The following RGS6 variants were observed in gnomAD, a reference collection of about 807,000 sequenced individuals.
RGS6 encodes regulator of G-protein signaling 6.
RGS6 carries 30 observed loss-of-function variants against 78.5 expected under a neutral mutation model. The observed-to-expected ratio is 0.38, with a 90% CI of 0.29 to 0.52. The LOEUF is 0.52. RGS6 is among the 20% of genes least tolerant of loss of function. RGS6 has a pLI of 0.85. For missense variants in RGS6, 495 were observed against 609.7 expected (o/e 0.81, Z 1.98); for synonymous variants, 206 against 206.0 (o/e 1.00, Z 0.00).
At chr14:72,410,726 A>G (rs1467949446) in intron 3 of RGS6, among the ~76,000 whole-genome samples, 2 of 152,202 alleles carry the variant, frequency 1.3e-5, no homozygotes, top group Non-Finnish European at 2.9e-5. Flanking sequence ...TCTTTAATCC[A>G]TCTTGAATTA....
intron 3 of RGS6, among the ~76,000 whole-genome samples, chr14:72,425,918 A>G (rs1482566004): frequency 1.3e-5 from 2 of 152,224 alleles, no homozygotes; most frequent in Admixed American, 6.5e-5. Flanking sequence ...TCGTACTAGA[A>G]TATTAAAAAT....
At chr14:72,218,563 A>C (rs1372073482) in intron 2 of RGS6, among the ~76,000 whole-genome samples, 1 of 152,110 alleles carries the variant, frequency 6.6e-6, no homozygotes, top group Non-Finnish European at 1.5e-5. Context: ...TTTTCAACCC[A>C]TCAATACATA....
At chr14:72,603,172 A>C in the RGS6 span, among the ~76,000 whole-genome samples, 4 of 152,192 alleles carry the variant, frequency 2.6e-5, no homozygotes, top group Non-Finnish European at 5.9e-5. Flanking sequence ...TCATTTTCAT[A>C]ATTTATTATT....
At chr14:72,395,008 C>T (rs117475284) in intron 3 of RGS6, among the ~76,000 whole-genome samples, 2,976 of 152,214 alleles carry the variant, frequency 0.02, 47 homozygotes, top group Admixed American at 0.061. Flanking sequence ...CGTTTGGGGT[C>T]CCTGACTTCC....
intron 6 of RGS6, among the ~76,000 whole-genome samples, chr14:72,461,414 A>G (rs1185346359): frequency 6.6e-6 from 1 of 152,222 alleles, no homozygotes; most frequent in Non-Finnish European, 1.5e-5. Context: ...ATTGTGCATC[A>G]TGAACAGGGA....
intron 2 of RGS6, among the ~76,000 whole-genome samples, chr14:72,324,053 ACT>A (rs1033851084): frequency 2.6e-5 from 4 of 151,740 alleles, no homozygotes; most frequent in Admixed American, 2.6e-4. Flanking sequence ...TTCCAACTGT[ACT>A]CTCTCGTTAT....
At chr14:71,923,373 G>T in the RGS6 span, among the ~76,000 whole-genome samples, 1 of 152,184 alleles carries the variant, frequency 6.6e-6, no homozygotes, top group South Asian at 2.1e-4. Context: ...CCTTCTAGGG[G>T]TAGGGCATGT....
At chr14:72,491,649 T>C (rs1220789691) in intron 12 of RGS6, among the ~76,000 whole-genome samples, 3 of 152,220 alleles carry the variant, frequency 2.0e-5, no homozygotes, top group African/African-American at 7.2e-5. Flanking sequence ...AAGTAAAATC[T>C]TACAATTTTT....
At chr14:72,134,499 T>C (rs1329050565) in intron 2 of RGS6, among the ~76,000 whole-genome samples, 2 of 152,198 alleles carry the variant, frequency 1.3e-5, no homozygotes, top group African/African-American at 2.4e-5. Flanking sequence ...AGAAATATAG[T>C]TATTAATTAG....
chr14:72,284,054 G>A (rs2062045118), intron 2 of RGS6, among the ~76,000 whole-genome samples: 1 of 152,196 alleles, frequency 6.6e-6, no homozygotes, highest in Non-Finnish European at 1.5e-5. Context: ...GAACTTGAGG[G>A]AGATGATTTA....
chr14:72,619,766 G>A, the RGS6 span: 1 of 828,878 alleles, frequency 1.2e-6, no homozygotes, highest in East Asian at 2.8e-5. Flanking sequence ...TACCTTGTGG[G>A]GTTGTGATGA....
the RGS6 span, among the ~76,000 whole-genome samples, chr14:71,917,751 T>G: frequency 6.6e-6 from 1 of 152,204 alleles, no homozygotes; most frequent in Non-Finnish European, 1.5e-5. Context: ...GGGGTCATCT[T>G]TCGGTAGTGT....
chr14:72,520,366 T>C (rs1282647899), intron 15 of RGS6, among the ~76,000 whole-genome samples: 2 of 152,236 alleles, frequency 1.3e-5, no homozygotes, highest in Admixed American at 1.3e-4. Context: ...TTTTATAAGA[T>C]ATTTAATCAG....
chr14:71,915,359 C>G, the RGS6 span, among the ~76,000 whole-genome samples: 202 of 152,286 alleles, frequency 1.3e-3, 2 homozygotes, highest in African/African-American at 4.6e-3. Flanking sequence ...CCCACCCTTT[C>G]CATTATCCCC....
intron 14 of RGS6, among the ~76,000 whole-genome samples, chr14:72,514,291 C>T (rs994608194): frequency 6.6e-6 from 1 of 152,178 alleles, no homozygotes; most frequent in Non-Finnish European, 1.5e-5. Context: ...TCTCTGGGAG[C>T]GAACCAAAAG....
At position 71,932,432 on chromosome 14, in the gene RGS6, C is replaced by G. The variant is rs1010913902; in HGVS notation, c.-530C>G. On this transcript the variant is annotated 5_prime_UTR_variant, in exon 1 of 18. Transcript: ENST00000553525. Reference sequence around the variant, plus strand: ...GCAGCTCGCGGGCCGCGGAGCTGAACGGCTTCGCGAGTTGGGGCAGCTCCT... The same window carrying G: ...GCAGCTCGCGGGCCGCGGAGCTGAAGGGCTTCGCGAGTTGGGGCAGCTCCT... 3.3e-5 allele frequency: 5 copies of G among 151,574 alleles called. No individual in the cohort carries two copies. The highest frequency in any genetic ancestry group is 9.7e-5 in the African/African-American group (4 of 41,378). The allele number at this position is 151,574 out of a possible 1,614,324, so 9.4% of individuals were successfully genotyped here.
intron 3 of RGS6, among the ~76,000 whole-genome samples, chr14:72,415,954 C>T (rs912369639): frequency 6.6e-6 from 1 of 151,988 alleles, no homozygotes; most frequent in African/African-American, 2.4e-5. Flanking sequence ...TCAAGACCAG[C>T]CTGACCAACG....
chr14:72,178,761 G>A (rs1326203950), intron 2 of RGS6, among the ~76,000 whole-genome samples: 3 of 152,254 alleles, frequency 2.0e-5, no homozygotes, highest in Admixed American at 1.3e-4. Flanking sequence ...ACAAAACAGA[G>A]TGTTAGTAGT....
At chr14:72,372,537 T>C (rs2083722737) in intron 3 of RGS6, among the ~76,000 whole-genome samples, 1 of 152,230 alleles carries the variant, frequency 6.6e-6, no homozygotes, top group Admixed American at 6.5e-5. Flanking sequence ...ATGGCATTTG[T>C]TGACTATCAA....
Sources: gnomAD v4.1 joint callset for allele counts (sites outside exome capture counted in the v4.1 genomes callset) on GRCh38, gnomAD v4.1.1 for gene constraint, MANE v1.5 for transcripts, NCBI Gene and HGNC (gene_info 2026-07-23, HGNC 2026-07-21) for gene names.